The following SI variants were observed in gnomAD, a reference collection of about 807,000 sequenced individuals.
SI encodes sucrase-isomaltase, intestinal.
In SI, 235 loss-of-function variants were observed where a neutral mutation model predicts 253.3. That is an observed-to-expected ratio of 0.93 (90% CI 0.83 to 1.03). The LOEUF is 1.03. SI is among the 50% of genes least tolerant of loss of function. The pLI is 0.00. For missense variants in SI, 2,442 were observed against 2,211.1 expected, an observed-to-expected ratio of 1.10 and a Z score of -2.09; for synonymous variants, 819 against 712.0, an observed-to-expected ratio of 1.15 and a Z score of -2.39.
At chr3:165,059,325 A>G in intron 10 of SI, 26 bp from the exon 11 acceptor site, 2 of 1,602,632 alleles carry the variant, frequency 1.2e-6, no homozygotes, top group Non-Finnish European at 1.7e-6. Flanking sequence ...TTGTATTTCA[A>G]TACATAGTAC....
At chr3:165,045,522 G>C (rs961322815) in intron 16 of SI, among the ~76,000 whole-genome samples, 1 of 151,760 alleles carries the variant, frequency 6.6e-6, no homozygotes, top group South Asian at 2.1e-4. Flanking sequence ...GTTTTGAAGA[G>C]CCACCTTTGT....
At chr3:164,986,719 T>C (rs1300806773) in intron 45 of SI, among the ~76,000 whole-genome samples, 1 of 152,206 alleles carries the variant, frequency 6.6e-6, no homozygotes, top group Non-Finnish European at 1.5e-5. Context: ...GTGACCCTTA[T>C]GATAAATGAG....
rs770851693 is a variant in SI, at chr3:165,076,978, G to GTT, written c.1-968_1-967dup. ...ATTATTGGGTTTAAAATCACGGTTT[G>GTT]TTTTTTTTTTTTTTTTTGGTCTCAC... is the stretch of plus-strand genomic sequence containing the variant. On this transcript the variant is annotated intron_variant, in intron 1 of 47. Transcript: ENST00000264382. Among the ~76,000 whole-genome samples the GTT allele has an allele frequency of 2.1e-3, 221 of 106,876 alleles. 1 individual carries two copies. The highest frequency in any genetic ancestry group is 4.8e-3 in the Middle Eastern group (1 of 208). 70.1% of individuals were successfully genotyped at this position (106,876 alleles called of 152,430 possible). A position where few individuals can be genotyped will look rare whatever the true frequency, so the allele number is the denominator to read the frequency against.
intron 37 of SI, among the ~76,000 whole-genome samples, chr3:165,003,870 A>G (rs1718371361): frequency 6.6e-6 from 1 of 152,058 alleles, no homozygotes; most frequent in South Asian, 2.1e-4. Context: ...GGGAAATAAG[A>G]AGAAATGAAA....
intron 9 of SI, 50 bp from the exon 10 acceptor site, chr3:165,060,077 A>G: frequency 6.6e-7 from 1 of 1,526,580 alleles, no homozygotes; most frequent in South Asian, 1.1e-5. Flanking sequence ...AAATATATTT[A>G]GCATTAATAA....
chr3:165,015,834 G>T, intron 32 of SI, 118 bp downstream of exon 32: 1 of 871,964 alleles, frequency 1.1e-6, no homozygotes, highest in East Asian at 2.4e-5. Context: ...TTTTAGATTT[G>T]GGAGTGTTAC....
chr3:164,989,361 AAAGAAAGAAAGG>A (rs1289187666), intron 44 of SI, among the ~76,000 whole-genome samples: 4 of 122,360 alleles, frequency 3.3e-5, no homozygotes, highest in Middle Eastern at 4.2e-3. Context: ...AAGAAGAAAG[AAAGAAAGAAAGG>A]AAGAAAGAAA....
chr3:165,011,424 T>A (rs1718761312), intron 34 of SI, among the ~76,000 whole-genome samples: 1 of 152,134 alleles, frequency 6.6e-6, no homozygotes, highest in South Asian at 2.1e-4. Flanking sequence ...TTATTTCCCC[T>A]CTTTTTCTGA....
intron 44 of SI, among the ~76,000 whole-genome samples, chr3:164,988,678 A>G (rs541565417): frequency 6.6e-6 from 1 of 152,178 alleles, no homozygotes; most frequent in East Asian, 1.9e-4. Context: ...AAGAGAGATG[A>G]TATAGCATAA....
chr3:165,069,583 G>A (rs1295366592), intron 3 of SI, among the ~76,000 whole-genome samples: 1 of 151,996 alleles, frequency 6.6e-6, no homozygotes, highest in Non-Finnish European at 1.5e-5. Context: ...TAAACTAGGA[G>A]GATGAAAATA....
intron 23 of SI, 90 bp downstream of exon 23, chr3:165,033,305 A>G (rs1576898449): frequency 1.7e-6 from 2 of 1,184,088 alleles, no homozygotes; most frequent in African/African-American, 3.1e-5. Flanking sequence ...AGGCAAATGT[A>G]AACATCTTTT....
At chr3:165,046,123 G>A (rs1006894801) in intron 16 of SI, among the ~76,000 whole-genome samples, 2 of 151,976 alleles carry the variant, frequency 1.3e-5, no homozygotes, top group Admixed American at 1.3e-4. Flanking sequence ...GAGCCACCTT[G>A]TCCAGCCTAT....
rs184584372 is a variant in SI at position 164,985,635 on chromosome 3, G to A, written c.5197+1503C>T. Among the ~76,000 whole-genome samples the A allele has an allele frequency of 3.9e-5, 6 of 152,040 alleles. No individual in the cohort carries two copies. The East Asian group carries it at 7.7e-4, about 20-fold the overall frequency. Reference sequence around the variant, plus strand: ...TATTAATGAAAAAACTATTATCTTCGGATAAGTTATTTAAATTGCAGAGAA... The same window carrying A: ...TATTAATGAAAAAACTATTATCTTCAGATAAGTTATTTAAATTGCAGAGAA... On this transcript the variant is annotated intron_variant, in intron 45 of 47. Transcript: ENST00000264382.
At chr3:165,027,024 C>T (rs559582464) in intron 25 of SI, among the ~76,000 whole-genome samples, 2 of 151,270 alleles carry the variant, frequency 1.3e-5, no homozygotes, top group African/African-American at 2.4e-5. Context: ...ACAACTGAAA[C>T]AAAAATCTAG....
intron 12 of SI, 76 bp downstream of exon 12, chr3:165,058,887 C>CACACACACACAT: frequency 4.9e-6 from 6 of 1,224,654 alleles, no homozygotes; most frequent in Non-Finnish European, 7.2e-6. Flanking sequence ...CACACACACA[C>CACACACACACAT]GCACATCCAC....
Position 165,007,626 on chromosome 3 carries a change from T to C in SI, c.4267+285A>G, listed in dbSNP as rs536361101. Among the ~76,000 whole-genome samples, 72 of 151,942 alleles carry C rather than the reference T, an allele frequency of 4.7e-4. 1 individual carries two copies. The highest frequency in any genetic ancestry group is 1.7e-3 in the African/African-American group (71 of 41,526). Reference sequence around the variant, plus strand: ...AACTTCAAACAAATTTAGAATTGTGTTCATGTAGATAAAATATATTCCTTG... The same window carrying C: ...AACTTCAAACAAATTTAGAATTGTGCTCATGTAGATAAAATATATTCCTTG... On this transcript the variant is annotated intron_variant, in intron 36 of 47. Coordinates refer to ENST00000264382, the MANE Select transcript of SI (RefSeq NM_001041.4).
chr3:165,031,006 T>G (rs538593869), intron 24 of SI, 139 bp from the exon 25 acceptor site: 2 of 1,212,900 alleles, frequency 1.6e-6, no homozygotes, highest in African/African-American at 3.1e-5. Flanking sequence ...GGGCAATTCT[T>G]CAAATTAAAT....
At chr3:165,055,451 A>T in intron 12 of SI, 144 bp from the exon 13 acceptor site, 1 of 555,526 alleles carries the variant, frequency 1.8e-6, no homozygotes, top group South Asian at 2.5e-5. Context: ...ATAAATTTAC[A>T]AGAATATCAT....
At chr3:165,063,830 CTT>C (rs1396066656) in intron 7 of SI, among the ~76,000 whole-genome samples, 1 of 150,400 alleles carries the variant, frequency 6.6e-6, no homozygotes, top group Admixed American at 6.7e-5. Context: ...ATTTTAATAA[CTT>C]ATGCCCAGGT....
Sources: gnomAD v4.1 joint callset for allele counts (sites outside exome capture counted in the v4.1 genomes callset) on GRCh38, gnomAD v4.1.1 for gene constraint, MANE v1.5 for transcripts, NCBI Gene and HGNC (gene_info 2026-07-23, HGNC 2026-07-21) for gene names.